Variants in TMEM168 observed in about 807,000 individuals in gnomAD.
TMEM168 encodes transmembrane protein 168.
TMEM168 carries 40 observed loss-of-function variants against 53.2 expected under a neutral mutation model. The observed-to-expected ratio is 0.75, with a 90% CI of 0.58 to 0.98. The LOEUF (loss-of-function observed/expected upper bound fraction) is 0.98. Among genes scored for constraint, TMEM168 ranks in the 50% least tolerant of loss-of-function variants. The pLI is 0.00. For synonymous variants in TMEM168, 282 were observed against 293.0 expected (o/e 0.96, Z 0.38); for missense variants, 771 against 828.8 (o/e 0.93, Z 0.86).
In TMEM168 at chr7:112,783,776, G is replaced by A; in HGVS notation, c.1050C>T (p.Arg350=). 1 of 1,585,338 alleles carries A rather than the reference G, an allele frequency of 6.3e-7. No individual in the cohort carries two copies. The highest frequency in any genetic ancestry group is 8.6e-7 in the Non-Finnish European group (1 of 1,167,766). The change falls in exon 2 of 5, where the codon CGC becomes CGT. Residue 350 remains arginine (R), a synonymous_variant. Coordinates refer to ENST00000312814, the MANE Select transcript of TMEM168 (RefSeq NM_022484.6). ...LDRIMASKGM[R]HFCLISEQLV... is the part of the protein sequence containing the mutation. Reference sequence around the variant, plus strand: ...ACTGCTCTGAAATCAAGCAAAAATGGCGCATCCCTTTGGATGCCATGATTC... The same window carrying A: ...ACTGCTCTGAAATCAAGCAAAAATGACGCATCCCTTTGGATGCCATGATTC...
chr7:112,789,471 G>A (rs1793483475), intron 1 of TMEM168, among the ~76,000 whole-genome samples: 2 of 152,154 alleles, frequency 1.3e-5, no homozygotes, highest in Non-Finnish European at 2.9e-5. Context: ...ACTTACTAAT[G>A]CCTAAAGAGA....
At position 112,767,507 on chromosome 7, in the gene TMEM168, T is replaced by A. The variant is rs745417299; in HGVS notation, c.1784A>T (p.Tyr595Phe). The A allele has an allele frequency of 1.1e-5, 17 of 1,614,202 alleles. No individual in the cohort carries two copies. Among genetic ancestry groups the A allele is most frequent in the Non-Finnish European group, 1.4e-5 (17 of 1,180,022 alleles). ...GATGTTATTACTGGAGTTGCAGTTA[T>A]ATTCTACCCAGTCTTTTGTAAAGTC... ...LGDFTKDWVE[Y>F]NCNSSNNICW... The change falls in exon 5 of 5, where the codon TAT becomes TTT. Residue 595 changes from tyrosine (Y) to phenylalanine (F), a missense_variant. Tyr to Phe is a conservative substitution (Grantham distance 22). Transcript: ENST00000312814.
At chr7:112,780,770 C>T (rs542195643) in intron 2 of TMEM168, among the ~76,000 whole-genome samples, 12 of 152,034 alleles carry the variant, frequency 7.9e-5, no homozygotes, top group East Asian at 3.9e-4. Flanking sequence ...AATGATTTTA[C>T]GAATATGACA....
rs770644752 is a variant in TMEM168, at chr7:112,775,300, A to G, written c.1147T>C (p.Leu383=). 3.1e-5 allele frequency: 50 copies of G among 1,612,900 alleles called. No individual in the cohort carries two copies. Among genetic ancestry groups the G allele is most frequent in the Middle Eastern group, 1.6e-4 (1 of 6,078 alleles). Residue 383 remains leucine (L), a synonymous_variant, in exon 3 of 5, where the codon TTG becomes CTG. Coordinates refer to ENST00000312814, the MANE Select transcript of TMEM168 (RefSeq NM_022484.6). ...GGCAAAACGATTAGAAACATGCTCA[A>G]GAAAATTCCATTTGTTGGCTAAAAG... ...VSWQPTNGIF[L]SMFLIVLPLE...
At chr7:112,789,371 G>A (rs902628275) in intron 1 of TMEM168, among the ~76,000 whole-genome samples, 2 of 151,774 alleles carry the variant, frequency 1.3e-5, no homozygotes, top group Non-Finnish European at 2.9e-5. Flanking sequence ...GCAAAAATCC[G>A]GCATCAAGAA....
In TMEM168 at chr7:112,772,833, A is replaced by G. The variant is rs956943901; in HGVS notation, c.1494T>C (p.Tyr498=). 4.3e-6 allele frequency: 7 copies of G among 1,613,932 alleles called. No homozygotes were observed. In the Admixed American group the frequency reaches 1.0e-4, roughly 23 times the overall value. Residue 498 remains tyrosine, a synonymous_variant, in exon 4 of 5, where the codon TAT becomes TAC. Coordinates refer to ENST00000312814, the MANE Select transcript of TMEM168 (RefSeq NM_022484.6). The stretch of plus-strand genomic sequence containing the variant: ...GGGTGTGCCCACTGTAATACAAAAT[A>G]TACGTATCATGTCTGGGTCCATCCA... ...RTVDGPRHDT[Y]ILYYSGHTHG... is the part of the protein sequence containing the mutation.
rs758795218 is a variant in TMEM168 at position 112,767,603 on chromosome 7, T to G, written c.1688A>C (p.Tyr563Ser). ...CAACTCTGCTCCTTGCACTGCAATA[T>G]ACTGGTCATTAATTTTCCTCACTTC... is the stretch of plus-strand genomic sequence containing the variant. ...VKEVRKINDQYIAVQGAELIK... is the reference protein window; with the variant it reads ...VKEVRKINDQSIAVQGAELIK... Residue 563 changes from tyrosine (Y) to serine (S), a missense_variant, in exon 5 of 5, where the codon TAT becomes TCT. Physicochemically the swap from Tyr to Ser is moderately radical, Grantham distance 144 (BLOSUM62 -2). Coordinates refer to ENST00000312814, the MANE Select transcript of TMEM168 (RefSeq NM_022484.6). 6.2e-7 allele frequency: 1 copy of G among 1,614,156 alleles called. No individual in the cohort carries two copies. The highest frequency in any genetic ancestry group is 1.1e-5 in the South Asian group (1 of 91,090).
At chr7:112,785,752 C>A (rs1024291421) in intron 1 of TMEM168, among the ~76,000 whole-genome samples, 2 of 152,068 alleles carry the variant, frequency 1.3e-5, no homozygotes, top group Non-Finnish European at 2.9e-5. Context: ...AGTGGACCCA[C>A]GAAATTAAAG....
chr7:112,771,664 C>G (rs1227170), intron 4 of TMEM168, among the ~76,000 whole-genome samples: 4,832 of 152,168 alleles, frequency 0.032, 247 homozygotes, highest in African/African-American at 0.11. Flanking sequence ...TCAATGAGAT[C>G]ATGCTAGTTT....
intron 4 of TMEM168, 122 bp from the exon 5 acceptor site, chr7:112,767,866 C>A: frequency 1.2e-6 from 1 of 817,566 alleles, no homozygotes; most frequent in Admixed American, 3.4e-5. Flanking sequence ...TCCTTAAGTT[C>A]TTAGAATTAA....
In TMEM168 at chr7:112,767,251, C is replaced by A. The variant is rs751714814; in HGVS notation, c.2040G>T (p.Trp680Cys). 4.5e-5 allele frequency: 73 copies of A among 1,613,960 alleles called. No homozygotes were observed. Among genetic ancestry groups the A allele is most frequent in the Non-Finnish European group, 5.9e-5 (70 of 1,179,996 alleles). ...CTGTGTCCAGCACAGTAGGAAGAAACCAACTCATTTTTAATCTTTTCAAGC... is the reference window on the plus strand; with the variant it reads ...CTGTGTCCAGCACAGTAGGAAGAAAACAACTCATTTTTAATCTTTTCAAGC... ...FRCLKRLKMS[W>C]FLPTVLDTGQ... Residue 680 changes from tryptophan (W) to cysteine (C), a missense_variant, in exon 5 of 5, where the codon TGG (tryptophan) becomes TGT (cysteine). Transcript: ENST00000312814.
rs897035842 is a variant in TMEM168 at position 112,764,516 on chromosome 7, T to C, written c.*2681A>G. 1 of 151,910 alleles carries C rather than the reference T, an allele frequency of 6.6e-6. No individual in the cohort carries two copies. The highest frequency in any genetic ancestry group is 6.5e-5 in the Admixed American group (1 of 15,268). The allele number at this position is 151,910 out of a possible 1,614,324, so 9.4% of individuals were successfully genotyped here. ...ATTTTTTTTGTTTGTTTCTTTTTTT[T>C]TTTGAGATGGAGTCTCTCTCTGTTG... On this transcript the variant is annotated 3_prime_UTR_variant, in exon 5 of 5. Coordinates refer to ENST00000312814, the MANE Select transcript of TMEM168 (RefSeq NM_022484.6).
At position 112,767,207 on chromosome 7, in the gene TMEM168, A is replaced by C; in HGVS notation, c.2084T>G (p.Val695Gly). Residue 695 changes from valine (V) to glycine (G), a missense_variant, in exon 5 of 5, where the codon GTC (valine) becomes GGC (glycine). Transcript: ENST00000312814. The stretch of plus-strand genomic sequence containing the variant: ...GCTTTGGGGTCCAAATTAAGATTTG[A>C]CAAGTTTGAAGCCTTGTCCTGTGTC... Reference protein sequence around the residue: ...VLDTGQGFKLVKS With the variant: ...VLDTGQGFKLGKS 3 of 1,608,632 alleles carry C rather than the reference A, an allele frequency of 1.9e-6. No homozygotes were observed. Among genetic ancestry groups the C allele is most frequent in the Non-Finnish European group, 2.5e-6 (3 of 1,177,610 alleles).
chr7:112,769,860 A>G (rs758412687), intron 4 of TMEM168, among the ~76,000 whole-genome samples: 14 of 152,154 alleles, frequency 9.2e-5, no homozygotes, highest in Non-Finnish European at 1.8e-4. Flanking sequence ...CATATCATGA[A>G]ACTCCATAAA....
rs1056476272 is a variant in TMEM168, at chr7:112,775,576, T to C, written c.1129-258A>G. On this transcript the variant is annotated intron_variant, in intron 2 of 4. Transcript: ENST00000312814. The stretch of plus-strand genomic sequence containing the variant: ...GCACATCATTTTTAAAAAAGAATTG[T>C]CAAATAACATCCTATCCAGACGAGA... Among the ~76,000 whole-genome samples, 13 of 145,500 alleles carry C rather than the reference T, an allele frequency of 8.9e-5. No homozygotes were observed. In the East Asian group the frequency reaches 2.2e-3, roughly 25 times the overall value.
intron 4 of TMEM168, among the ~76,000 whole-genome samples, 169 bp from the exon 5 acceptor site, chr7:112,767,913 A>G (rs1034772368): frequency 6.6e-6 from 1 of 152,220 alleles, no homozygotes; most frequent in Admixed American, 6.5e-5. Flanking sequence ...TGACACTTTC[A>G]AAGTATCTTT....
chr7:112,773,131 G>GA, intron 3 of TMEM168, 76 bp from the exon 4 acceptor site: 6 of 1,427,798 alleles, frequency 4.2e-6, no homozygotes, highest in Non-Finnish European at 5.6e-6. Context: ...GATTATCTAA[G>GA]AATCAGTTAT....
chr7:112,777,046 T>G (rs1267093444), intron 2 of TMEM168, among the ~76,000 whole-genome samples: 1 of 152,122 alleles, frequency 6.6e-6, no homozygotes, highest in African/African-American at 2.4e-5. Flanking sequence ...GTTGACCTTT[T>G]CTTCACTGAT....
At chr7:112,780,963 AAAC>A (rs1793214425) in intron 2 of TMEM168, among the ~76,000 whole-genome samples, 1 of 151,374 alleles carries the variant, frequency 6.6e-6, no homozygotes, top group African/African-American at 2.4e-5. Context: ...AAAAAAAAAA[AAAC>A]GGGGGCACAG....
Sources: gnomAD v4.1 joint callset for allele counts (sites outside exome capture counted in the v4.1 genomes callset) on GRCh38, gnomAD v4.1.1 for gene constraint, MANE v1.5 for transcripts, NCBI Gene and HGNC (gene_info 2026-07-23, HGNC 2026-07-21) for gene names.